Variants in UPF3A observed in about 807,000 individuals in gnomAD.
The protein encoded by UPF3A is regulator of nonsense transcripts 3A.
UPF3A carries 42 observed loss-of-function variants against 53.5 expected under a neutral mutation model. The ratio of observed to expected loss-of-function variants is 0.78; its 90% CI spans 0.61 to 1.01. UPF3A has a LOEUF of 1.01. Ranked by LOEUF, UPF3A falls within the 50% of genes least tolerant of loss-of-function variation. The pLI, the probability that UPF3A is intolerant of heterozygous loss-of-function variation, is 0.00. For missense variants in UPF3A, 575 were observed against 598.0 expected (o/e 0.96, Z 0.40); for synonymous variants, 237 against 225.3 (o/e 1.05, Z -0.47).
intron 8 of UPF3A, among the ~76,000 whole-genome samples, chr13:114,300,650 C>T (rs2086518786): frequency 6.6e-6 from 1 of 152,164 alleles, no homozygotes; most frequent in Admixed American, 6.5e-5. Context: ...TGCAATTCTC[C>T]TGCCTCAGCC....
chr13:114,281,948 C>G (rs915258597), intron 1 of UPF3A, 73 bp from the exon 2 acceptor site: 8 of 1,381,414 alleles, frequency 5.8e-6, no homozygotes, highest in East Asian at 2.7e-5. Context: ...GGCCTCCCAG[C>G]GCGGTACGCG....
At chr13:114,293,758 A>G (rs950669490) in intron 7 of UPF3A, among the ~76,000 whole-genome samples, 1 of 152,202 alleles carries the variant, frequency 6.6e-6, no homozygotes, top group South Asian at 2.1e-4. Context: ...GGGAAAGAAG[A>G]TAGCTTAGGA....
In UPF3A at chr13:114,291,807, A is replaced by G. The variant is rs1161402984; in HGVS notation, c.846+15A>G. The G allele has an allele frequency of 9.6e-6, 15 of 1,568,140 alleles. No individual in the cohort carries two copies. The Admixed American group carries it at 3.0e-4, about 32-fold the overall frequency. On this transcript the variant is annotated intron_variant, in intron 7 of 9. Transcript: ENST00000375299. ...TAAGGATTAAGGTAATTCTGAGGAA[A>G]CATTTCCTTTTTCCAAAAATAGCTC... is the stretch of plus-strand genomic sequence containing the variant.
chr13:114,301,660 G>A, intron 8 of UPF3A, 71 bp from the exon 9 acceptor site: 1 of 1,501,410 alleles, frequency 6.7e-7, no homozygotes, highest in Non-Finnish European at 9.1e-7. Context: ...GGGAACCTGT[G>A]GTCTAGAAAG....
intron 7 of UPF3A, among the ~76,000 whole-genome samples, chr13:114,295,524 G>T (rs915854792): frequency 6.6e-6 from 1 of 152,226 alleles, no homozygotes; most frequent in Non-Finnish European, 1.5e-5. Context: ...TGTGCCCGTG[G>T]CTCCTTCTTG....
chr13:114,282,134 C>T lies in UPF3A; in HGVS notation c.314+7C>T, dbSNP rs561281086. ...TCTTCGCCGCCGACCTGAGGTGAGG[C>T]CCGCCCCGAGGGGAGGAAGAGAGGG... On this transcript the variant is annotated splice_region_variant and intron_variant, in intron 2 of 9. Coordinates refer to ENST00000375299, the MANE Select transcript of UPF3A (RefSeq NM_023011.4). 5 of 1,547,242 alleles carry T rather than the reference C, an allele frequency of 3.2e-6. No individual in the cohort carries two copies. Among genetic ancestry groups the T allele is most frequent in the African/African-American group, 2.7e-5 (2 of 73,200 alleles).
intron 3 of UPF3A, chr13:114,283,659 C>A: frequency 1.7e-6 from 1 of 586,008 alleles, no homozygotes; most frequent in Non-Finnish European, 2.1e-6. Context: ...GATAATGTCA[C>A]CAGGAAGTCA....
chr13:114,294,729 G>A (rs1488196119), intron 7 of UPF3A, among the ~76,000 whole-genome samples: 1 of 151,954 alleles, frequency 6.6e-6, no homozygotes, highest in Non-Finnish European at 1.5e-5. Context: ...GGAGGCTGAG[G>A]CAGGAGAATC....
chr13:114,291,398 G>A (rs902269055), intron 5 of UPF3A, 91 bp from the exon 6 acceptor site: 320 of 1,222,324 alleles, frequency 2.6e-4, no homozygotes, highest in Non-Finnish European at 1.4e-4. Flanking sequence ...TATGGTTCCC[G>A]TATTTATTTT....
chr13:114,301,455 T>TC (rs201372406), intron 8 of UPF3A, among the ~76,000 whole-genome samples: 1,652 of 146,890 alleles, frequency 0.011, 89 homozygotes, highest in Admixed American at 0.078. Context: ...AGAGCGAGAC[T>TC]CCATCTCAGA....
chr13:114,294,363 G>C (rs1028786410), intron 7 of UPF3A, among the ~76,000 whole-genome samples: 2 of 151,604 alleles, frequency 1.3e-5, no homozygotes, highest in Non-Finnish European at 2.9e-5. Context: ...CTACCTCCCA[G>C]GCTCAAGTGA....
At chr13:114,302,085 C>G in intron 9 of UPF3A, 60 bp downstream of exon 9, 1 of 1,411,164 alleles carries the variant, frequency 7.1e-7, no homozygotes, top group South Asian at 1.8e-5. Context: ...AGGCTGCATG[C>G]TGACCATGTC....
intron 7 of UPF3A, among the ~76,000 whole-genome samples, chr13:114,293,071 C>CA (rs1164617444): frequency 0.073 from 3,580 of 49,144 alleles, 249 homozygotes; most frequent in East Asian, 0.41. Context: ...GACTCCCTCT[C>CA]AAAAAAAAAA....
At chr13:114,282,181 G>C (rs1251639433) in intron 2 of UPF3A, 54 bp downstream of exon 2, 3 of 1,442,428 alleles carry the variant, frequency 2.1e-6, no homozygotes, top group African/African-American at 1.4e-5. Flanking sequence ...GCTCGGCGGC[G>C]GTGGCCGTCT....
chr13:114,282,583 G>A (rs1270522470), intron 2 of UPF3A: 2 of 985,368 alleles, frequency 2.0e-6, no homozygotes, highest in East Asian at 2.3e-4. Flanking sequence ...GTGCGCCCTG[G>A]CCTTGCCTTA....
At chr13:114,286,866 TATG>T (rs1038027755) in intron 5 of UPF3A, 1 of 503,172 alleles carries the variant, frequency 2.0e-6, no homozygotes, top group African/African-American at 1.9e-5. Flanking sequence ...CATTTTAAGT[TATG>T]ATGCTTCCGA....
chr13:114,289,523 A>C (rs1345145112), intron 5 of UPF3A, among the ~76,000 whole-genome samples: 6 of 55,092 alleles, frequency 1.1e-4, no homozygotes, highest in Admixed American at 2.0e-4. Context: ...ACTCCATCTC[A>C]AAAAAAAAAA....
Position 114,302,039 on chromosome 13 carries a change from C to A in UPF3A, c.1302+14C>A, listed in dbSNP as rs1319007060. 2.0e-6 allele frequency: 3 copies of A among 1,504,640 alleles called. No individual in the cohort carries two copies. The highest frequency in any genetic ancestry group is 1.4e-5 in the African/African-American group (1 of 71,360). The allele number at this position is 1,504,640 out of a possible 1,614,324, so 93.2% of individuals were successfully genotyped here. A position where few individuals can be genotyped will look rare whatever the true frequency, so the allele number is the denominator to read the frequency against. ...CTGGCAAACAAGGTTTTTATTAAAC[C>A]CAAAAAGAAAAATGTGTCTGGCTGT... On this transcript the variant is annotated intron_variant, in intron 9 of 9. Transcript: ENST00000375299.
At chr13:114,284,254 C>T (rs773637686) in intron 3 of UPF3A, among the ~76,000 whole-genome samples, 5 of 151,662 alleles carry the variant, frequency 3.3e-5, no homozygotes, top group Non-Finnish European at 7.4e-5. Context: ...CCCAGCTACT[C>T]GGAAGACTGA....
Sources: gnomAD v4.1 joint callset for allele counts (sites outside exome capture counted in the v4.1 genomes callset) on GRCh38, gnomAD v4.1.1 for gene constraint, MANE v1.5 for transcripts, NCBI Gene and HGNC (gene_info 2026-07-23, HGNC 2026-07-21) for gene names.